Variants in TMEM170B observed in about 807,000 individuals in gnomAD.
TMEM170B encodes the protein transmembrane protein 170B.
Under a neutral mutation model 13.0 loss-of-function variants are expected in TMEM170B, and 6 were observed. The ratio of observed to expected loss-of-function variants is 0.46; its 90% CI spans 0.25 to 0.91. TMEM170B has a LOEUF of 0.91. Among genes scored for constraint, TMEM170B ranks in the 40% least tolerant of loss-of-function variants. The pLI is 0.17. For synonymous variants in TMEM170B, 61 were observed against 64.9 expected, an observed-to-expected ratio of 0.94 and a Z score of 0.29; for missense variants, 138 against 165.2, an observed-to-expected ratio of 0.84 and a Z score of 0.90.
intron 1 of TMEM170B, among the ~76,000 whole-genome samples, chr6:11,544,913 TA>T (rs1759412051): frequency 1.3e-5 from 2 of 152,244 alleles, no homozygotes; most frequent in African/African-American, 4.8e-5. Context: ...TACAGTTTTT[TA>T]GGTAACTTGA....
intron 1 of TMEM170B, among the ~76,000 whole-genome samples, chr6:11,543,464 T>C (rs774188694): frequency 2.0e-5 from 3 of 152,214 alleles, no homozygotes; most frequent in Non-Finnish European, 4.4e-5. Flanking sequence ...TATAATGCTT[T>C]CATATATTTT....
At chr6:11,562,723 G>A (rs1340741656) in intron 1 of TMEM170B, among the ~76,000 whole-genome samples, 1 of 152,012 alleles carries the variant, frequency 6.6e-6, no homozygotes, top group East Asian at 1.9e-4. Flanking sequence ...TATTAACATT[G>A]ATGCAATCCA....
intron 1 of TMEM170B, among the ~76,000 whole-genome samples, chr6:11,550,686 C>T (rs977372400): frequency 2.6e-5 from 4 of 152,128 alleles, no homozygotes; most frequent in South Asian, 4.1e-4. Context: ...TTGAGCCTCA[C>T]AATAATCCCA....
intron 2 of TMEM170B, among the ~76,000 whole-genome samples, chr6:11,570,244 C>T (rs10456073): frequency 0.042 from 6,433 of 152,118 alleles, 180 homozygotes; most frequent in East Asian, 0.16. Flanking sequence ...AGTTAATTCC[C>T]AAACTCCTGT....
intron 1 of TMEM170B, among the ~76,000 whole-genome samples, chr6:11,557,485 TGCACATGC>T: frequency 6.6e-6 from 1 of 152,186 alleles, no homozygotes; most frequent in Admixed American, 6.5e-5. Context: ...ATGCATATCC[TGCACATGC>T]ACCCCAGAAA....
rs369783952 is a variant in TMEM170B at position 11,564,754 on chromosome 6, C to T, written c.98-912C>T. 5.9e-5 allele frequency among the ~76,000 whole-genome samples: 9 copies of T among 152,226 alleles called. No homozygotes were observed. The South Asian group carries it at 8.3e-4, about 14-fold the overall frequency. On this transcript the variant is annotated intron_variant, in intron 1 of 2. Coordinates refer to ENST00000379426, the MANE Select transcript of TMEM170B (RefSeq NM_001100829.3). ...TTCTTGTACTGTGGCTTTCATCATG[C>T]GACGATGAAGTAGCTTCACAAATCT...
intron 2 of TMEM170B, among the ~76,000 whole-genome samples, chr6:11,573,054 G>A (rs951214947): frequency 6.6e-6 from 1 of 152,052 alleles, no homozygotes; most frequent in Non-Finnish European, 1.5e-5. Flanking sequence ...GTTTATGCAT[G>A]TATATATGTG....
chr6:11,565,315 T>TA (rs1242540166), intron 1 of TMEM170B, among the ~76,000 whole-genome samples: 1 of 152,150 alleles, frequency 6.6e-6, no homozygotes, highest in Non-Finnish European at 1.5e-5. Context: ...GGGTAGAAAA[T>TA]AAAAAATTCT....
rs181434512 is a variant in TMEM170B at position 11,563,703 on chromosome 6, G to A, written c.98-1963G>A. ...CTTGAGGCCAGGTGTGGTGGTTCTCGCCTGTAATCCCAGCACTTTGGGAAG... is the reference window on the plus strand; with the variant it reads ...CTTGAGGCCAGGTGTGGTGGTTCTCACCTGTAATCCCAGCACTTTGGGAAG... On this transcript the variant is annotated intron_variant, in intron 1 of 2. Coordinates refer to ENST00000379426, the MANE Select transcript of TMEM170B (RefSeq NM_001100829.3). 5.3e-5 allele frequency among the ~76,000 whole-genome samples: 8 copies of A among 152,184 alleles called. No individual in the cohort carries two copies. In the South Asian group the frequency reaches 8.3e-4, roughly 16 times the overall value.
rs757390052 is a variant in TMEM170B at position 11,575,571 on chromosome 6, GGGAATGTCTTACTTCACATAA to G, written c.*15_*35del. On this transcript the variant is annotated 3_prime_UTR_variant, in exon 3 of 3. Coordinates refer to ENST00000379426, the MANE Select transcript of TMEM170B (RefSeq NM_001100829.3). This position sits in a 1 kb window ranked among gnomAD's most constrained non-coding sequence, Gnocchi z 4.1. ...CCTCGCTACACTTTGAGGTTTCTGT[GGGAATGTCTTACTTCACATAA>G]GGAAACAGATGTACAGATTCCCTGA... 12 of 1,612,336 alleles carry G rather than the reference GGGAATGTCTTACTTCACATAA, an allele frequency of 7.4e-6. No individual in the cohort carries two copies. In the South Asian group the frequency reaches 1.3e-4, roughly 18 times the overall value.
At chr6:11,542,350 G>A (rs1003518931) in intron 1 of TMEM170B, among the ~76,000 whole-genome samples, 1 of 152,088 alleles carries the variant, frequency 6.6e-6, no homozygotes, top group Non-Finnish European at 1.5e-5. Flanking sequence ...CTCCAGTTCT[G>A]CAAGTCAACC....
chr6:11,572,746 G>A (rs57695816), intron 2 of TMEM170B, among the ~76,000 whole-genome samples: 338 of 152,014 alleles, frequency 2.2e-3, no homozygotes, highest in African/African-American at 7.2e-3. Flanking sequence ...GTATGTATCC[G>A]CCAGATATTT....
chr6:11,549,524 G>T (rs925645293), intron 1 of TMEM170B, among the ~76,000 whole-genome samples: 1 of 152,020 alleles, frequency 6.6e-6, no homozygotes, highest in East Asian at 1.9e-4. Flanking sequence ...TTAGCCAGGC[G>T]TAGTGGCGGG....
intron 2 of TMEM170B, among the ~76,000 whole-genome samples, chr6:11,568,471 G>A (rs936911736): frequency 6.6e-6 from 1 of 152,120 alleles, no homozygotes; most frequent in African/African-American, 2.4e-5. Flanking sequence ...TATTGCAAAA[G>A]TTTAAAGAGA....
intron 1 of TMEM170B, among the ~76,000 whole-genome samples, chr6:11,550,043 G>T (rs909447401): frequency 2.6e-5 from 4 of 151,964 alleles, no homozygotes; most frequent in Non-Finnish European, 5.9e-5. Flanking sequence ...TCGCTGTGTT[G>T]CCCAGGCTGG....
chr6:11,568,681 T>C (rs1377548499), intron 2 of TMEM170B, among the ~76,000 whole-genome samples: 1 of 152,182 alleles, frequency 6.6e-6, no homozygotes, highest in East Asian at 1.9e-4. Flanking sequence ...TTAATTTTTT[T>C]CTGGCTAATT....
Position 11,583,272 on chromosome 6 carries a change from C to T in TMEM170B, c.*7711C>T, listed in dbSNP as rs1048174161. 1.3e-5 allele frequency: 2 copies of T among 152,146 alleles called. No homozygotes were observed. Among genetic ancestry groups the T allele is most frequent in the African/African-American group, 4.8e-5 (2 of 41,434 alleles). 9.4% of individuals were successfully genotyped at this position (152,146 alleles called of 1,614,324 possible). On this transcript the variant is annotated 3_prime_UTR_variant, in exon 3 of 3. Coordinates refer to ENST00000379426, the MANE Select transcript of TMEM170B (RefSeq NM_001100829.3). ...AATTCATTGCTTTAAGGAAAAGATG[C>T]ACAATTACTATCATTCAGTGTCTAA...
At chr6:11,574,386 T>C (rs932531414) in intron 2 of TMEM170B, among the ~76,000 whole-genome samples, 7 of 152,172 alleles carry the variant, frequency 4.6e-5, no homozygotes, top group African/African-American at 1.7e-4. Flanking sequence ...AGATTTTGAG[T>C]GAAGTACAAA....
At chr6:11,555,836 T>G (rs953228733) in intron 1 of TMEM170B, among the ~76,000 whole-genome samples, 3 of 152,250 alleles carry the variant, frequency 2.0e-5, no homozygotes, top group Non-Finnish European at 4.4e-5. Flanking sequence ...TTCTTTTAAT[T>G]TTTTGATTGA....
Sources: gnomAD v4.1 joint callset for allele counts (sites outside exome capture counted in the v4.1 genomes callset) on GRCh38, gnomAD v4.1.1 for gene constraint, Gnocchi (gnomAD v3.1) non-coding constraint, MANE v1.5 for transcripts, NCBI Gene and HGNC (gene_info 2026-07-23, HGNC 2026-07-21) for gene names.